The following CDH17 variants were observed in gnomAD, a reference collection of about 807,000 sequenced individuals.
CDH17 encodes the protein cadherin 17.
A neutral mutation model predicts 86.3 loss-of-function variants in CDH17; 67 were observed. That is an observed-to-expected ratio of 0.78 (90% CI 0.64 to 0.95). CDH17 has a LOEUF of 0.95. Among genes scored for constraint, CDH17 ranks in the 40% least tolerant of loss-of-function variants. The probability of loss-of-function intolerance (pLI) is 0.00; values close to 1 mark genes in which losing one functional copy is unlikely to be tolerated. For missense variants in CDH17, 993 were observed against 1,017.6 expected (o/e 0.98, Z 0.33); for synonymous variants, 367 against 366.4 (o/e 1.00, Z -0.02).
At chr8:94,140,091 T>A (rs567759147) in intron 15 of CDH17, among the ~76,000 whole-genome samples, 21 of 152,042 alleles carry the variant, frequency 1.4e-4, no homozygotes, top group Non-Finnish European at 2.1e-4. Flanking sequence ...AAATAACACA[T>A]AATCACAAAA....
intron 15 of CDH17, among the ~76,000 whole-genome samples, chr8:94,136,315 T>C (rs185522280): frequency 6.6e-6 from 1 of 152,240 alleles, no homozygotes; most frequent in African/African-American, 2.4e-5. Flanking sequence ...TTTGGTCTTT[T>C]CACATAGTCC....
intron 15 of CDH17, among the ~76,000 whole-genome samples, chr8:94,136,473 A>G (rs1430801920): frequency 6.6e-6 from 1 of 152,162 alleles, no homozygotes; most frequent in East Asian, 1.9e-4. Context: ...TTCTCCTGCC[A>G]TGGTTTTCAG....
chr8:94,156,942 A>G (rs1182115338), intron 12 of CDH17, among the ~76,000 whole-genome samples: 1 of 152,208 alleles, frequency 6.6e-6, no homozygotes, highest in East Asian at 1.9e-4. Flanking sequence ...GGTCAAGGCC[A>G]CAAGCTAGTA....
At chr8:94,168,098 ATATATATATATATATATATATATATAT>A (rs1813192082) in intron 9 of CDH17, among the ~76,000 whole-genome samples, 1 of 216 alleles carries the variant, frequency 4.6e-3, no homozygotes, top group Non-Finnish European at 0.026. Flanking sequence ...ACACTGGGGA[ATATATATATATATATATATATATATAT>A]ATATATATAT....
At chr8:94,188,081 G>A (rs150324135) in intron 3 of CDH17, among the ~76,000 whole-genome samples, 301 of 152,190 alleles carry the variant, frequency 2.0e-3, no homozygotes, top group African/African-American at 6.9e-3. Flanking sequence ...TTGTCCCTTG[G>A]CATTGGTGGG....
intron 15 of CDH17, among the ~76,000 whole-genome samples, chr8:94,132,912 A>G (rs1812447678): frequency 6.6e-6 from 1 of 152,190 alleles, no homozygotes; most frequent in Non-Finnish European, 1.5e-5. Flanking sequence ...AGCACCATTT[A>G]TTAAATAGGG....
Position 94,132,793 on chromosome 8 carries a change from G to T in CDH17, c.2168-1801C>A, listed in dbSNP as rs569486775. On this transcript the variant is annotated intron_variant, in intron 15 of 17. Coordinates refer to ENST00000027335, the MANE Select transcript of CDH17 (RefSeq NM_004063.4). ...TCGGTTTTCTTCTAGGGATTTTATG[G>T]TTTTAGGTCTAACATTTAAGTCTTT... is the stretch of plus-strand genomic sequence containing the variant. 6.0e-4 allele frequency among the ~76,000 whole-genome samples: 91 copies of T among 152,276 alleles called. 2 individuals carry two copies. The South Asian group carries it at 0.018, about 31-fold the overall frequency.
At position 94,173,863 on chromosome 8, in the gene CDH17, C is replaced by T; in HGVS notation, c.717G>A (p.Trp239Ter). The change falls in exon 7 of 18, where the codon TGG becomes TGA. Residue 239 changes from tryptophan to a stop codon, truncating the protein, a stop_gained. Transcript: ENST00000027335. LOFTEE classifies it high-confidence loss of function. ...CCATCTCCACAGGTTTTGGTGCTTT[C>T]CAAATATTCTCTGTCACTATGATAT... ...SVDIIVTENIWKAPKPVEMVE... is the reference protein window; with the variant it reads ...SVDIIVTENI 1 of 1,613,820 alleles carries T rather than the reference C, an allele frequency of 6.2e-7. No homozygotes were observed. Among genetic ancestry groups the T allele is most frequent in the Non-Finnish European group, 8.5e-7 (1 of 1,179,894 alleles).
upstream of CDH17, chr8:94,208,582 T>C (rs967948885): frequency 2.0e-5 from 3 of 152,354 alleles, no homozygotes; most frequent in Non-Finnish European, 2.9e-5. Context: ...GAACACTCCC[T>C]CTTCCCTGCT....
At chr8:94,191,453 T>C (rs1410758799) in intron 2 of CDH17, among the ~76,000 whole-genome samples, 2 of 148,022 alleles carry the variant, frequency 1.4e-5, no homozygotes, top group East Asian at 2.0e-4. Flanking sequence ...AAAATGCTTT[T>C]TTTTTTTTTT....
chr8:94,168,928 C>T (rs897675831), intron 9 of CDH17, among the ~76,000 whole-genome samples: 3 of 152,044 alleles, frequency 2.0e-5, no homozygotes, highest in Admixed American at 6.6e-5. Context: ...CCTGCTCTGC[C>T]GTACTCTTTC....
chr8:94,162,217 A>C (rs371543248), intron 10 of CDH17, 55 bp from the exon 11 acceptor site: 1 of 1,132,990 alleles, frequency 8.8e-7, no homozygotes, highest in Non-Finnish European at 1.3e-6. Flanking sequence ...ATGCATTAAT[A>C]TCAGAAATCT....
intron 15 of CDH17, among the ~76,000 whole-genome samples, chr8:94,137,431 C>T (rs555299585): frequency 6.0e-4 from 92 of 152,262 alleles, no homozygotes; most frequent in Non-Finnish European, 8.7e-4. Flanking sequence ...TCTGTGGGCA[C>T]GGGACCTGCC....
rs1563576919 is a variant in CDH17, at chr8:94,168,143, T to TATATATATATATATATATAC, written c.1067-2168_1067-2167insGTATATATATATATATATAT. Among the ~76,000 whole-genome samples, 52 of 101,568 alleles carry TATATATATATATATATATAC rather than the reference T, an allele frequency of 5.1e-4. 5 individuals are homozygous for TATATATATATATATATATAC. Among genetic ancestry groups the TATATATATATATATATATAC allele is most frequent in the African/African-American group, 3.0e-3 (51 of 17,096 alleles). 66.6% of individuals were successfully genotyped at this position (101,568 alleles called of 152,430 possible). On this transcript the variant is annotated intron_variant, in intron 9 of 17. Coordinates refer to ENST00000027335, the MANE Select transcript of CDH17 (RefSeq NM_004063.4). ...ATATATATATATATATATATATATA[T>TATATATATATATATATATAC]ATATATATATATATTTGTGTGTGTG...
At chr8:94,211,170 C>T (rs1814116864), upstream of CDH17, among the ~76,000 whole-genome samples, 1 of 151,838 alleles carries the variant, frequency 6.6e-6, no homozygotes, top group Admixed American at 6.6e-5. Context: ...CTAGAAAATA[C>T]AAATGTCCAT....
intron 15 of CDH17, among the ~76,000 whole-genome samples, chr8:94,139,178 A>G (rs1367335776): frequency 3.3e-5 from 5 of 152,206 alleles, no homozygotes; most frequent in Non-Finnish European, 7.3e-5. Context: ...AATTTATAGA[A>G]GAAAACTACA....
chr8:94,178,337 T>C (rs866367381), intron 3 of CDH17, among the ~76,000 whole-genome samples: 20 of 152,108 alleles, frequency 1.3e-4, no homozygotes, highest in African/African-American at 4.8e-4. Flanking sequence ...ATATTTTTAT[T>C]AAATTAAAAG....
At chr8:94,201,668 TTTG>T (rs1355923918) in intron 1 of CDH17, among the ~76,000 whole-genome samples, 5 of 152,190 alleles carry the variant, frequency 3.3e-5, no homozygotes, top group African/African-American at 7.2e-5. Context: ...TCTGTGGTAT[TTTG>T]TTAAGGCAGC....
Position 94,177,761 on chromosome 8 carries a change from A to G in CDH17, c.151-40T>C, listed in dbSNP as rs760380500. The G allele has an allele frequency of 4.2e-5, 67 of 1,600,210 alleles. 1 individual carries two copies. In the South Asian group the frequency reaches 7.4e-4, roughly 18 times the overall value. ...AAAAACAGATTAAGTTGTAAGGGAA[A>G]AAACAATGTTGTGGAATTTGTAGAA... On this transcript the variant is annotated intron_variant, in intron 3 of 17. Transcript: ENST00000027335.
Sources: gnomAD v4.1 joint callset for allele counts (sites outside exome capture counted in the v4.1 genomes callset) on GRCh38, gnomAD v4.1.1 for gene constraint, MANE v1.5 for transcripts, NCBI Gene and HGNC (gene_info 2026-07-23, HGNC 2026-07-21) for gene names.